HMCN2: variants seen among roughly 807,000 people sequenced by gnomAD.
HMCN2 encodes hemicentin-2.
In HMCN2, 325 loss-of-function variants were observed where a neutral mutation model predicts 377.5. The observed-to-expected ratio is 0.86, with a 90% CI of 0.79 to 0.94. HMCN2 has a LOEUF of 0.94. Among genes scored for constraint, HMCN2 ranks in the 40% least tolerant of loss-of-function variants. HMCN2 has a pLI of 0.00. For synonymous variants in HMCN2, 2,007 were observed against 2,046.8 expected, an observed-to-expected ratio of 0.98 and a Z score of 0.53; for missense variants, 4,543 against 4,725.3, an observed-to-expected ratio of 0.96 and a Z score of 1.13.
intron 43 of HMCN2, 21 bp downstream of exon 43, chr9:130,366,016 C>A: frequency 1.0e-6 from 1 of 986,056 alleles, no homozygotes; most frequent in Non-Finnish European, 1.2e-6. Context: ...TGCCCTCACC[C>A]AGCCCCACCT....
At chr9:130,359,753 G>A (rs138240168) in intron 37 of HMCN2, among the ~76,000 whole-genome samples, 111 of 152,200 alleles carry the variant, frequency 7.3e-4, no homozygotes, top group Non-Finnish European at 1.0e-3. Context: ...GAAAGGGCCG[G>A]GAGCTGGGGG....
At chr9:130,419,777 G>A (rs182611324) in intron 86 of HMCN2, among the ~76,000 whole-genome samples, 41 of 152,132 alleles carry the variant, frequency 2.7e-4, no homozygotes, top group Admixed American at 2.2e-3. Flanking sequence ...CACCACATGC[G>A]TTGGCAGAAT....
At chr9:130,379,198 A>C (rs1841564977) in intron 53 of HMCN2, 51 bp from the exon 54 acceptor site, 1 of 629,906 alleles carries the variant, frequency 1.6e-6, no homozygotes, top group South Asian at 7.1e-5. Flanking sequence ...GCAGAGGTGC[A>C]TTCCCCACCC....
chr9:130,376,030 A>G (rs1252594723), intron 51 of HMCN2, 41 bp downstream of exon 51: 1 of 907,188 alleles, frequency 1.1e-6, no homozygotes, highest in Non-Finnish European at 1.3e-6. Flanking sequence ...TGGGCAGAAG[A>G]CCGCCCGGGA....
At chr9:130,301,417 T>C (rs782735245) in intron 8 of HMCN2, among the ~76,000 whole-genome samples, 3 of 152,156 alleles carry the variant, frequency 2.0e-5, no homozygotes, top group Non-Finnish European at 4.4e-5. Context: ...AGGGATTTGG[T>C]TTGGATTTTT....
At chr9:130,293,303 G>GTTTTTTTTTT (rs1588186458) in intron 4 of HMCN2, among the ~76,000 whole-genome samples, 2 of 77,278 alleles carry the variant, frequency 2.6e-5, no homozygotes, top group African/African-American at 9.0e-5. Context: ...TTTTTTTTGC[G>GTTTTTTTTTT]GTTCTTGTTG....
At chr9:130,416,152 T>A (rs1404494435) in intron 85 of HMCN2, among the ~76,000 whole-genome samples, 1 of 147,204 alleles carries the variant, frequency 6.8e-6, no homozygotes, top group African/African-American at 2.5e-5. Context: ...TCACCCAGGC[T>A]GGAGTGCAGT....
Position 130,385,670 on chromosome 9 carries a change from G to A in HMCN2, c.9217G>A (p.Val3073Met). The stretch of plus-strand genomic sequence containing the variant: ...GACAGATGCGCTCCCTGAGCCAACT[G>A]TGACCTGGTACAAGGATGGGCAGCC... ...CETDALPEPT[V>M]TWYKDGQPLV... The change falls in exon 60 of 98, where the codon GTG becomes ATG. Residue 3073 changes from valine to methionine, a missense_variant. Transcript: ENST00000683500. 1 of 1,304,240 alleles carries A rather than the reference G, an allele frequency of 7.7e-7. No homozygotes were observed. Among genetic ancestry groups the A allele is most frequent in the Non-Finnish European group, 1.0e-6 (1 of 988,934 alleles). The allele number at this position is 1,304,240 out of a possible 1,614,324, so 80.8% of individuals were successfully genotyped here.
chr9:130,303,250 C>G lies in HMCN2; in HGVS notation c.1422-237C>G, dbSNP rs1836619457. 6.6e-6 allele frequency among the ~76,000 whole-genome samples: 1 copy of G among 152,188 alleles called. No homozygotes were observed. Among genetic ancestry groups the G allele is most frequent in the African/African-American group, 2.4e-5 (1 of 41,450 alleles). On this transcript the variant is annotated intron_variant, in intron 9 of 97. Transcript: ENST00000683500. The surrounding 1 kb of genome is among the most constrained non-coding windows in gnomAD (Gnocchi z 5.2). ...CTTCCTCAGCTCCTGGAAAACTCAA[C>G]CCATGTGTCAGGGCAGGAAGGATGG...
rs1338239886 is a variant in HMCN2 at position 130,397,518 on chromosome 9, T to C, written c.11199-10T>C. On this transcript the variant is annotated splice_polypyrimidine_tract_variant and intron_variant, in intron 73 of 97. Transcript: ENST00000683500. ...TTGCTCATCTCCAGGGCAACCCCCA[T>C]CCATTCTAGGTTTGAAATTCTGCCT... 7.8e-7 allele frequency: 1 copy of C among 1,289,768 alleles called. No individual in the cohort carries two copies. Among genetic ancestry groups the C allele is most frequent in the Non-Finnish European group, 1.0e-6 (1 of 988,838 alleles). The allele number at this position is 1,289,768 out of a possible 1,614,324, so 79.9% of individuals were successfully genotyped here.
intron 48 of HMCN2, among the ~76,000 whole-genome samples, chr9:130,373,679 GGATGGATGGATAGATGGATGGATAGGTA>G (rs1841191540): frequency 7.0e-6 from 1 of 142,678 alleles, no homozygotes; most frequent in Admixed American, 7.3e-5. Context: ...ATGGATGGAT[GGATGGATGGATAGATGGATGGATAGGTA>G]GATGGATGGA....
At chr9:130,297,620 A>G (rs1453322239) in intron 7 of HMCN2, among the ~76,000 whole-genome samples, 1 of 152,182 alleles carries the variant, frequency 6.6e-6, no homozygotes, top group Non-Finnish European at 1.5e-5. Flanking sequence ...CTGAACAGTG[A>G]CCAAAAATGG....
chr9:130,336,618 C>T (rs1838760640), intron 22 of HMCN2, among the ~76,000 whole-genome samples: 2 of 152,136 alleles, frequency 1.3e-5, no homozygotes, highest in Admixed American at 6.5e-5. Flanking sequence ...GAGACCACCA[C>T]CCACTGTGTC....
At chr9:130,403,436 G>A in intron 79 of HMCN2, 108 bp downstream of exon 79, 1 of 1,183,594 alleles carries the variant, frequency 8.4e-7, no homozygotes, top group Non-Finnish European at 1.1e-6. Flanking sequence ...CTGCTGAGAG[G>A]TCCTGGAAAG....
At chr9:130,317,339 A>G (rs888539960) in intron 15 of HMCN2, among the ~76,000 whole-genome samples, 2,124 of 152,156 alleles carry the variant, frequency 0.014, 43 homozygotes, top group African/African-American at 0.043. Flanking sequence ...TATGGTTACA[A>G]TAAGTGCTCG....
intron 6 of HMCN2, 119 bp from the exon 7 acceptor site, chr9:130,296,555 A>G (rs1227703797): frequency 1.0e-5 from 4 of 395,320 alleles, no homozygotes; most frequent in Non-Finnish European, 5.2e-6. Flanking sequence ...CCATGTGTCT[A>G]CAAAAGCAGG....
Position 130,395,124 on chromosome 9 carries a change from G to T in HMCN2, c.10774+16G>T. On this transcript the variant is annotated intron_variant, in intron 70 of 97. Transcript: ENST00000683500. ...AGGGTTCAAGGTAGGTGGTGGGGGT[G>T]GGGTGGGGGCAGGGCCGGGAGGCAG... is the stretch of plus-strand genomic sequence containing the variant. 3 of 1,272,024 alleles carry T rather than the reference G, an allele frequency of 2.4e-6. No homozygotes were observed. The highest frequency in any genetic ancestry group is 3.1e-6 in the Non-Finnish European group (3 of 977,804). The allele number at this position is 1,272,024 out of a possible 1,614,324, so 78.8% of individuals were successfully genotyped here.
At chr9:130,375,213 G>A (rs1340113863) in intron 49 of HMCN2, among the ~76,000 whole-genome samples, 2 of 152,202 alleles carry the variant, frequency 1.3e-5, no homozygotes, top group East Asian at 3.8e-4. Context: ...TCTACTCAGC[G>A]GGGAACAAAG....
rs984041851 is a variant in HMCN2 at position 130,389,301 on chromosome 9, C to T, written c.9523+761C>T. Among the ~76,000 whole-genome samples the T allele has an allele frequency of 1.3e-5, 2 of 152,330 alleles. 1 individual carries two copies. On this transcript the variant is annotated intron_variant, in intron 62 of 97. Coordinates refer to ENST00000683500, the MANE Select transcript of HMCN2 (RefSeq NM_001291815.2). ...CCAATTCAGTGATTTGTAGTACAGTCACAGAGTTGTGTGACCATCACCACA... is the reference window on the plus strand; with the variant it reads ...CCAATTCAGTGATTTGTAGTACAGTTACAGAGTTGTGTGACCATCACCACA...
Sources: gnomAD v4.1 joint callset for allele counts (sites outside exome capture counted in the v4.1 genomes callset) on GRCh38, gnomAD v4.1.1 for gene constraint, Gnocchi (gnomAD v3.1) non-coding constraint, MANE v1.5 for transcripts, NCBI Gene and HGNC (gene_info 2026-07-23, HGNC 2026-07-21) for gene names.